Variants in ADAMTS17 observed in about 807,000 individuals in gnomAD.
ADAMTS17 encodes ADAM metallopeptidase with thrombospondin type 1 motif 17, also known as A disintegrin and metalloproteinase with thrombospondin motifs 17.
Under a neutral mutation model 141.5 loss-of-function variants are expected in ADAMTS17, and 113 were observed. The observed-to-expected ratio is 0.80, with a 90% CI of 0.69 to 0.93. ADAMTS17 has a LOEUF of 0.93. Among genes scored for constraint, ADAMTS17 ranks in the 40% least tolerant of loss-of-function variants. ADAMTS17 has a pLI of 0.00. For synonymous variants in ADAMTS17, 768 were observed against 630.6 expected, an observed-to-expected ratio of 1.22 and a Z score of -3.27; for missense variants, 1,659 against 1,517.9, an observed-to-expected ratio of 1.09 and a Z score of -1.54.
intron 8 of ADAMTS17, among the ~76,000 whole-genome samples, chr15:100,188,363 T>C (rs2040797033): frequency 1.3e-5 from 2 of 150,860 alleles, no homozygotes; most frequent in South Asian, 4.2e-4. Context: ...AGGCATGAGC[T>C]ACCACGCCCG....
At chr15:100,251,088 AAG>A (rs1315794738) in intron 7 of ADAMTS17, among the ~76,000 whole-genome samples, 1 of 152,176 alleles carries the variant, frequency 6.6e-6, no homozygotes, top group African/African-American at 2.4e-5. Context: ...TTTTTTAAAA[AAG>A]AAAAAAAGGC....
At chr15:100,021,071 T>C (rs896590093) in intron 18 of ADAMTS17, among the ~76,000 whole-genome samples, 1 of 152,164 alleles carries the variant, frequency 6.6e-6, no homozygotes, top group African/African-American at 2.4e-5. Flanking sequence ...CACTTACAAA[T>C]AACTGTTTGA....
chr15:100,122,440 A>G (rs2037497844), intron 12 of ADAMTS17, among the ~76,000 whole-genome samples: 1 of 152,128 alleles, frequency 6.6e-6, no homozygotes, highest in Non-Finnish European at 1.5e-5. Context: ...GTGGTCCTTC[A>G]TTTTTTATGA....
At position 99,990,540 on chromosome 15, in the gene ADAMTS17, T is replaced by C. The variant is rs1180676213; in HGVS notation, c.2949+2508A>G. The stretch of plus-strand genomic sequence containing the variant: ...CCAGGGAGTAAATAGGAAGGAGGTG[T>C]TTTAGGTCCTTCTCAAATTCACTGT... On this transcript the variant is annotated intron_variant, in intron 20 of 21. Transcript: ENST00000268070. Among the ~76,000 whole-genome samples, 6 of 152,110 alleles carry C rather than the reference T, an allele frequency of 3.9e-5. No homozygotes were observed. The East Asian group carries it at 1.2e-3, about 29-fold the overall frequency.
intron 4 of ADAMTS17, among the ~76,000 whole-genome samples, chr15:100,269,296 A>G (rs1567460889): frequency 6.6e-6 from 1 of 152,212 alleles, no homozygotes; most frequent in Non-Finnish European, 1.5e-5. Context: ...TAAACTAAAG[A>G]GCTTCTGTAC....
intron 14 of ADAMTS17, among the ~76,000 whole-genome samples, chr15:100,105,330 G>A (rs562518114): frequency 4.6e-5 from 7 of 152,332 alleles, no homozygotes; most frequent in South Asian, 2.1e-4. Flanking sequence ...CTGCACCTGC[G>A]CACCCTGGTG....
intron 18 of ADAMTS17, among the ~76,000 whole-genome samples, chr15:100,032,443 C>T (rs1051302941): frequency 6.6e-6 from 1 of 152,138 alleles, no homozygotes; most frequent in Non-Finnish European, 1.5e-5. Flanking sequence ...GCCAGAAAAC[C>T]AACTAACTAC....
chr15:100,146,832 G>T (rs2038931419), intron 10 of ADAMTS17, among the ~76,000 whole-genome samples: 1 of 76,706 alleles, frequency 1.3e-5, no homozygotes, highest in South Asian at 4.4e-4. Context: ...GACTGCAGAG[G>T]TGAAATAGAC....
chr15:100,138,090 G>A (rs1284055409), intron 10 of ADAMTS17, among the ~76,000 whole-genome samples: 2 of 152,198 alleles, frequency 1.3e-5, no homozygotes, highest in Non-Finnish European at 2.9e-5. Flanking sequence ...ATAGAACAAG[G>A]TCAGGAGATC....
At chr15:100,317,188 TGGAG>T (rs1272807687) in intron 3 of ADAMTS17, among the ~76,000 whole-genome samples, 4 of 152,054 alleles carry the variant, frequency 2.6e-5, no homozygotes, top group African/African-American at 9.7e-5. Context: ...AAAAATGGGA[TGGAG>T]GGACTTGGAT....
chr15:100,248,983 G>C (rs2043069780), intron 7 of ADAMTS17, among the ~76,000 whole-genome samples: 1 of 152,068 alleles, frequency 6.6e-6, no homozygotes, highest in Non-Finnish European at 1.5e-5. Flanking sequence ...ATTTTTAGTA[G>C]AGACAGAGTT....
chr15:100,286,354 T>C (rs1168405444), intron 3 of ADAMTS17, among the ~76,000 whole-genome samples: 1 of 152,180 alleles, frequency 6.6e-6, no homozygotes, highest in African/African-American at 2.4e-5. Flanking sequence ...CCGTGGCTGC[T>C]GGCACATATG....
chr15:100,205,757 T>C lies in ADAMTS17; in HGVS notation c.1076-6334A>G, dbSNP rs554411887. Among the ~76,000 whole-genome samples, 36 of 152,304 alleles carry C rather than the reference T, an allele frequency of 2.4e-4. 1 individual carries two copies. The South Asian group carries it at 5.8e-3, about 25-fold the overall frequency. On this transcript the variant is annotated intron_variant, in intron 7 of 21. Coordinates refer to ENST00000268070, the MANE Select transcript of ADAMTS17 (RefSeq NM_139057.4). Reference sequence around the variant, plus strand: ...GCCTTGCGCCGGGCAGAGTCTAAGCTGAGCAGGCACACGCCTAGGGGAAGC... The same window carrying C: ...GCCTTGCGCCGGGCAGAGTCTAAGCCGAGCAGGCACACGCCTAGGGGAAGC...
chr15:100,157,193 G>A (rs894170492), intron 8 of ADAMTS17, among the ~76,000 whole-genome samples: 2 of 152,062 alleles, frequency 1.3e-5, no homozygotes, highest in Admixed American at 6.5e-5. Flanking sequence ...CTCCCAGCGG[G>A]TCCCTCCCTC....
chr15:99,984,760 A>G lies in ADAMTS17; in HGVS notation c.2949+8288T>C, dbSNP rs78903052. ...AACCACCTGCCCTGCTCTGAGGTCA[A>G]TGACAAAAAAGCACTCCTTAGGGAT... is the stretch of plus-strand genomic sequence containing the variant. On this transcript the variant is annotated intron_variant, in intron 20 of 21. Transcript: ENST00000268070. 3.3e-5 allele frequency among the ~76,000 whole-genome samples: 5 copies of G among 152,362 alleles called. No individual in the cohort carries two copies. In the South Asian group the frequency reaches 8.3e-4, roughly 25 times the overall value.
At chr15:99,982,779 G>A (rs531274974) in intron 20 of ADAMTS17, among the ~76,000 whole-genome samples, 24 of 152,308 alleles carry the variant, frequency 1.6e-4, no homozygotes, top group Non-Finnish European at 3.1e-4. Context: ...AAATTTAGCT[G>A]AAAAGCTCCT....
chr15:100,191,698 G>A (rs941504446), intron 8 of ADAMTS17, among the ~76,000 whole-genome samples: 2 of 152,258 alleles, frequency 1.3e-5, no homozygotes, highest in African/African-American at 2.4e-5. Flanking sequence ...GCTCCTTGCT[G>A]CTCTGGTCAC....
intron 7 of ADAMTS17, among the ~76,000 whole-genome samples, chr15:100,230,758 T>A (rs2042455177): frequency 6.6e-6 from 1 of 152,082 alleles, no homozygotes; most frequent in African/African-American, 2.4e-5. Flanking sequence ...ACGACAATGC[T>A]TGGAAGAAAC....
chr15:100,047,796 C>A (rs2031825123), intron 18 of ADAMTS17, among the ~76,000 whole-genome samples: 1 of 152,080 alleles, frequency 6.6e-6, no homozygotes, highest in Admixed American at 6.5e-5. Flanking sequence ...ATTCTGTGGC[C>A]CCTGAATATG....
Sources: gnomAD v4.1 joint callset for allele counts (sites outside exome capture counted in the v4.1 genomes callset) on GRCh38, gnomAD v4.1.1 for gene constraint, MANE v1.5 for transcripts, NCBI Gene and HGNC (gene_info 2026-07-23, HGNC 2026-07-21) for gene names.